The following HPSE2 variants were observed in gnomAD, a reference collection of about 807,000 sequenced individuals.
HPSE2 encodes inactive heparanase-2.
HPSE2 carries 38 observed loss-of-function variants against 60.5 expected under a neutral mutation model. That is an observed-to-expected ratio of 0.63 (90% confidence interval 0.48 to 0.82). The LOEUF (loss-of-function observed/expected upper bound fraction) is 0.82. Among genes scored for constraint, HPSE2 ranks in the 40% least tolerant of loss-of-function variants. HPSE2 has a pLI of 0.00. For synonymous variants in HPSE2, 295 were observed against 293.2 expected (o/e 1.01, Z -0.06); for missense variants, 713 against 740.4 (o/e 0.96, Z 0.43).
the HPSE2 span, among the ~76,000 whole-genome samples, chr10:99,303,278 AAAGGGAAC>A: frequency 6.6e-6 from 1 of 152,162 alleles, no homozygotes; most frequent in Non-Finnish European, 1.5e-5. Flanking sequence ...AGATGGCTCC[AAAGGGAAC>A]TCTGAAACTT....
rs142125276 is a variant in HPSE2 at position 98,595,808 on chromosome 10, T to G, written c.1320+19096A>C. On this transcript the variant is annotated intron_variant, in intron 9 of 11. Transcript: ENST00000370552. Reference sequence around the variant, plus strand: ...TCTTAGAGGAAAAGCTTTCAACTTTTCACCATGGAGTATAATGTTAGCTGT... The same window carrying G: ...TCTTAGAGGAAAAGCTTTCAACTTTGCACCATGGAGTATAATGTTAGCTGT... Among the ~76,000 whole-genome samples, 371 of 152,310 alleles carry G rather than the reference T, an allele frequency of 2.4e-3. 1 individual carries two copies. Among genetic ancestry groups the G allele is most frequent in the African/African-American group, 8.6e-3 (357 of 41,580 alleles).
At chr10:99,225,544 C>A (rs1400643849) in intron 2 of HPSE2, among the ~76,000 whole-genome samples, 1 of 152,020 alleles carries the variant, frequency 6.6e-6, no homozygotes, top group African/African-American at 2.4e-5. Context: ...ATGTAAGGAT[C>A]TAATTAATAA....
At chr10:99,301,560 T>C in the HPSE2 span, among the ~76,000 whole-genome samples, 7 of 152,190 alleles carry the variant, frequency 4.6e-5, no homozygotes, top group African/African-American at 7.2e-5. Context: ...CTCTTTCCTT[T>C]GCAAATTGCC....
chr10:98,720,493 G>A (rs889593208), intron 5 of HPSE2, among the ~76,000 whole-genome samples: 2 of 151,890 alleles, frequency 1.3e-5, no homozygotes, highest in African/African-American at 4.8e-5. Flanking sequence ...TAGATATTAG[G>A]GAAAAAGATA....
At chr10:98,835,370 C>A (rs1461165934) in intron 3 of HPSE2, among the ~76,000 whole-genome samples, 1 of 152,040 alleles carries the variant, frequency 6.6e-6, no homozygotes, top group Non-Finnish European at 1.5e-5. Flanking sequence ...GAAATTTATA[C>A]ACACACAAAA....
chr10:98,813,518 A>C (rs927316848), intron 3 of HPSE2, among the ~76,000 whole-genome samples: 14 of 152,152 alleles, frequency 9.2e-5, no homozygotes, highest in Non-Finnish European at 2.9e-5. Flanking sequence ...TATGCACAAA[A>C]GTGGCCCTGC....
At chr10:99,243,216 G>C in the HPSE2 span, among the ~76,000 whole-genome samples, 2 of 152,032 alleles carry the variant, frequency 1.3e-5, no homozygotes, top group South Asian at 4.2e-4. Flanking sequence ...AGCTGGGTGT[G>C]GTGGCACATG....
At chr10:98,980,535 A>G (rs987418143) in intron 3 of HPSE2, among the ~76,000 whole-genome samples, 8 of 152,314 alleles carry the variant, frequency 5.3e-5, no homozygotes, top group African/African-American at 1.7e-4. Flanking sequence ...TAGTACAGGA[A>G]CATCTGGATT....
At chr10:98,603,270 A>G (rs59924320) in intron 9 of HPSE2, among the ~76,000 whole-genome samples, 4,858 of 151,844 alleles carry the variant, frequency 0.032, 179 homozygotes, top group African/African-American at 0.086. Context: ...AGAGTTTGCA[A>G]CTCCCGGAGG....
chr10:98,822,959 C>T (rs1490709154), intron 3 of HPSE2, among the ~76,000 whole-genome samples: 1 of 152,122 alleles, frequency 6.6e-6, no homozygotes, highest in Non-Finnish European at 1.5e-5. Flanking sequence ...TCTAAATTAT[C>T]CAAGTGAGCC....
chr10:98,707,923 T>G (rs982133730), intron 5 of HPSE2, among the ~76,000 whole-genome samples: 1 of 152,146 alleles, frequency 6.6e-6, no homozygotes. Context: ...TATATTATCA[T>G]GAAATTTGTA....
intron 9 of HPSE2, among the ~76,000 whole-genome samples, chr10:98,502,912 A>T (rs1422464709): frequency 6.6e-6 from 1 of 152,232 alleles, no homozygotes; most frequent in Non-Finnish European, 1.5e-5. Context: ...CAACAAACAT[A>T]TGAAAAAATG....
chr10:98,623,720 T>C (rs912537778), intron 7 of HPSE2, among the ~76,000 whole-genome samples: 1 of 152,338 alleles, frequency 6.6e-6, no homozygotes, highest in East Asian at 1.9e-4. Flanking sequence ...CTCTAAGTTC[T>C]TTTTAAATAT....
At chr10:98,619,378 G>A (rs1035532798) in intron 8 of HPSE2, among the ~76,000 whole-genome samples, 1 of 152,172 alleles carries the variant, frequency 6.6e-6, no homozygotes, top group East Asian at 1.9e-4. Context: ...TCATTCTCCA[G>A]ACGACTGTAG....
chr10:98,587,878 CT>C (rs1170815406), intron 9 of HPSE2, among the ~76,000 whole-genome samples: 2 of 152,168 alleles, frequency 1.3e-5, no homozygotes, highest in South Asian at 4.1e-4. Flanking sequence ...ATGTTTTAAA[CT>C]TTTTAAAATT....
In HPSE2 at chr10:98,565,864, CATT is replaced by C. The variant is rs386372212; in HGVS notation, c.1320+49037_1320+49039del. Among the ~76,000 whole-genome samples, 149 of 151,708 alleles carry C rather than the reference CATT, an allele frequency of 9.8e-4. 1 individual carries two copies. Among genetic ancestry groups the C allele is most frequent in the Non-Finnish European group, 1.1e-3 (77 of 67,904 alleles). ...AAACCTGTATCATCATCATCATCAT[CATT>C]ATTGTTGTTTTGCCGATGAATAAAT... On this transcript the variant is annotated intron_variant, in intron 9 of 11. Coordinates refer to ENST00000370552, the MANE Select transcript of HPSE2 (RefSeq NM_021828.5).
rs1196945736 is a variant in HPSE2 at position 98,935,936 on chromosome 10, G to A, written c.611-191880C>T. ...CCTCCCACCAGGTGCTCTGTCCCAA[G>A]GAGATGTGAGTTCTGTCTGTAAGCC... On this transcript the variant is annotated intron_variant, in intron 3 of 11. Coordinates refer to ENST00000370552, the MANE Select transcript of HPSE2 (RefSeq NM_021828.5). Among the ~76,000 whole-genome samples the A allele has an allele frequency of 2.8e-5, 4 of 144,956 alleles. 1 individual carries two copies. Among genetic ancestry groups the A allele is most frequent in the Non-Finnish European group, 5.9e-5 (4 of 67,256 alleles).
In HPSE2 at chr10:98,939,345, G is replaced by A. The variant is rs1026292313; in HGVS notation, c.611-195289C>T. Among the ~76,000 whole-genome samples, 15 of 143,372 alleles carry A rather than the reference G, an allele frequency of 1.0e-4. 3 individuals are homozygous for A. The highest frequency in any genetic ancestry group is 4.3e-4 in the African/African-American group (15 of 35,062). 94.1% of individuals were successfully genotyped at this position (143,372 alleles called of 152,430 possible). ...GCTGTATTCAGGAAATCCATCTCAC[G>A]TGCAGAGACACACATAGGCTCAAAA... is the stretch of plus-strand genomic sequence containing the variant. On this transcript the variant is annotated intron_variant, in intron 3 of 11. Coordinates refer to ENST00000370552, the MANE Select transcript of HPSE2 (RefSeq NM_021828.5).
intron 3 of HPSE2, among the ~76,000 whole-genome samples, chr10:98,821,206 G>T (rs10883212): frequency 6.6e-6 from 1 of 152,020 alleles, no homozygotes; most frequent in Non-Finnish European, 1.5e-5. Context: ...TCTTAAGTAC[G>T]GGAATACATT....
Sources: gnomAD v4.1 joint callset for allele counts (sites outside exome capture counted in the v4.1 genomes callset) on GRCh38, gnomAD v4.1.1 for gene constraint, MANE v1.5 for transcripts, NCBI Gene and HGNC (gene_info 2026-07-23, HGNC 2026-07-21) for gene names.